ASAP1: variants seen among roughly 807,000 people sequenced by gnomAD.
The protein encoded by ASAP1 is arf-GAP with SH3 domain, ANK repeat and PH domain-containing protein 1.
Under a neutral mutation model 145.2 loss-of-function variants are expected in ASAP1, and 43 were observed. The observed-to-expected ratio is 0.30, with a 90% CI of 0.23 to 0.38. The LOEUF is 0.38. Ranked by LOEUF, ASAP1 falls within the 10% of genes least tolerant of loss-of-function variation. ASAP1 has a pLI of 1.00. For synonymous variants in ASAP1, 546 were observed against 515.5 expected (o/e 1.06, Z -0.80); for missense variants, 1,018 against 1,355.3 (o/e 0.75, Z 3.91).
intron 11 of ASAP1, 90 bp from the exon 12 acceptor site, chr8:130,160,054 C>A: frequency 8.9e-7 from 1 of 1,123,318 alleles, no homozygotes; most frequent in South Asian, 1.2e-5. Flanking sequence ...TGGCACTGGT[C>A]TGGGTCTAAG....
At position 130,295,510 on chromosome 8, in the gene ASAP1, C is replaced by T. The variant is rs181665056; in HGVS notation, c.187-58516G>A. Among the ~76,000 whole-genome samples the T allele has an allele frequency of 5.1e-4, 77 of 152,160 alleles. 2 individuals carry two copies. In the East Asian group the frequency reaches 0.012, roughly 24 times the overall value. ...TTTCCACAGCTGTAAAACAGGGATA[C>T]GGGATAATAATACCTAGTTATTGTG... On this transcript the variant is annotated intron_variant, in intron 3 of 29. Coordinates refer to ENST00000518721, the MANE Select transcript of ASAP1 (RefSeq NM_018482.4).
intron 1 of ASAP1, among the ~76,000 whole-genome samples, chr8:130,437,104 CAA>C (rs56207589): frequency 0.098 from 8,707 of 89,262 alleles, 352 homozygotes; most frequent in African/African-American, 0.17. Context: ...GATTTCATCT[CAA>C]AAAAAAAAAA....
intron 3 of ASAP1, among the ~76,000 whole-genome samples, chr8:130,252,887 TC>T (rs1403149822): frequency 6.6e-6 from 1 of 152,164 alleles, no homozygotes; most frequent in African/African-American, 2.4e-5. Flanking sequence ...GAAAGAAGTT[TC>T]CTGAGTCACA....
chr8:130,074,486 C>CACACACACAGAGAG (rs5895034), intron 27 of ASAP1, among the ~76,000 whole-genome samples: 1 of 140,484 alleles, frequency 7.1e-6, no homozygotes, highest in Non-Finnish European at 1.6e-5. Flanking sequence ...CACACACACA[C>CACACACACAGAGAG]AGAGAGAACG....
intron 4 of ASAP1, among the ~76,000 whole-genome samples, chr8:130,231,887 A>C (rs930111796): frequency 6.6e-6 from 1 of 152,208 alleles, no homozygotes; most frequent in African/African-American, 2.4e-5. Context: ...CATGCTTCCA[A>C]GGGAAAGCCA....
At chr8:130,192,939 T>C (rs1565073754) in intron 5 of ASAP1, among the ~76,000 whole-genome samples, 1 of 152,170 alleles carries the variant, frequency 6.6e-6, no homozygotes. Context: ...ACTGGCTAAA[T>C]AAATTACAGA....
In ASAP1 at chr8:130,072,830, C is replaced by CGCGCGCGCG. The variant is rs1448184178; in HGVS notation, c.2701+3517_2701+3518insCGCGCGCGC. Among the ~76,000 whole-genome samples the CGCGCGCGCG allele has an allele frequency of 9.4e-4, 30 of 31,924 alleles. 1 individual carries two copies. Among genetic ancestry groups the CGCGCGCGCG allele is most frequent in the African/African-American group, 2.9e-3 (14 of 4,908 alleles). 20.9% of individuals were successfully genotyped at this position (31,924 alleles called of 152,430 possible). A position where few individuals can be genotyped will look rare whatever the true frequency, so the allele number is the denominator to read the frequency against. ...GTGTGTGTGTGTGTGTGTGTGCGCG[C>CGCGCGCGCG]GGGGGGGGGCAGTTTTGGGGACTGA... On this transcript the variant is annotated intron_variant, in intron 27 of 29. Coordinates refer to ENST00000518721, the MANE Select transcript of ASAP1 (RefSeq NM_018482.4).
At chr8:130,055,573 G>C (rs1044989078) in intron 29 of ASAP1, among the ~76,000 whole-genome samples, 5 of 150,394 alleles carry the variant, frequency 3.3e-5, no homozygotes, top group East Asian at 2.0e-4. Flanking sequence ...ACTATCACTT[G>C]TTTTCTGGTT....
intron 26 of ASAP1, among the ~76,000 whole-genome samples, chr8:130,079,220 A>G (rs772704980): frequency 6.6e-6 from 1 of 152,134 alleles, no homozygotes; most frequent in Non-Finnish European, 1.5e-5. Flanking sequence ...TTGTTTTCTC[A>G]TCTTTCAGAA....
intron 27 of ASAP1, among the ~76,000 whole-genome samples, chr8:130,072,900 C>T (rs1172846521): frequency 6.8e-6 from 1 of 147,916 alleles, no homozygotes; most frequent in South Asian, 2.2e-4. Context: ...TAGACAGTGT[C>T]GGAACTGAAT....
rs540267683 is a variant in ASAP1, at chr8:130,094,212, TA to T, written c.2402-2070del. 2.0e-5 allele frequency among the ~76,000 whole-genome samples: 3 copies of T among 152,202 alleles called. No homozygotes were observed. The South Asian group carries it at 6.2e-4, about 32-fold the overall frequency. On this transcript the variant is annotated intron_variant, in intron 24 of 29. Transcript: ENST00000518721. ...TCAGCTTCTTCCCTAGGTTTATCGT[TA>T]AAAAAAATTTTTTTTGAGACAAGGT...
chr8:130,413,885 GATTC>G (rs58479009), intron 1 of ASAP1, among the ~76,000 whole-genome samples: 49,150 of 151,382 alleles, frequency 0.32, 7,963 homozygotes, highest in African/African-American at 0.33. Flanking sequence ...TATTTTGCCA[GATTC>G]ATTCATTCAT....
chr8:130,418,625 C>T (rs1442610096), intron 1 of ASAP1, among the ~76,000 whole-genome samples: 1 of 151,902 alleles, frequency 6.6e-6, no homozygotes, highest in Non-Finnish European at 1.5e-5. Flanking sequence ...AAGTGTGCAA[C>T]CATCACCTCA....
intron 3 of ASAP1, among the ~76,000 whole-genome samples, chr8:130,329,729 C>T (rs1226429602): frequency 6.6e-6 from 1 of 152,206 alleles, no homozygotes; most frequent in Non-Finnish European, 1.5e-5. Flanking sequence ...CAGAAAATCA[C>T]ACAGATGCAT....
chr8:130,204,769 G>A (rs1387232058), intron 5 of ASAP1, among the ~76,000 whole-genome samples: 2 of 152,196 alleles, frequency 1.3e-5, no homozygotes, highest in Non-Finnish European at 2.9e-5. Flanking sequence ...CAGTAGACAT[G>A]TCACACGAGA....
chr8:130,439,795 C>G (rs1197826034), intron 1 of ASAP1, among the ~76,000 whole-genome samples: 4 of 152,348 alleles, frequency 2.6e-5, no homozygotes, highest in African/African-American at 9.6e-5. Flanking sequence ...CATGTGCCGG[C>G]AAGCACTCTG....
chr8:130,405,580 C>G (rs1828991351), intron 1 of ASAP1, among the ~76,000 whole-genome samples: 1 of 152,212 alleles, frequency 6.6e-6, no homozygotes, highest in African/African-American at 2.4e-5. Context: ...TGTCAGCGAG[C>G]CTCTTTAGCC....
intron 3 of ASAP1, among the ~76,000 whole-genome samples, chr8:130,306,872 G>A (rs1018381289): frequency 6.6e-6 from 1 of 152,124 alleles, no homozygotes; most frequent in African/African-American, 2.4e-5. Flanking sequence ...TCAGGCCAGA[G>A]ACCTCAGAGC....
Position 130,180,677 on chromosome 8 carries a change from A to C in ASAP1, c.660+74T>G. ...TCAAACAGAGTCTGCCTTTAAGCAT[A>C]AAGACTGCTGACTAGCAGGAAAAGA... is the stretch of plus-strand genomic sequence containing the variant. On this transcript the variant is annotated intron_variant, in intron 8 of 29. Coordinates refer to ENST00000518721, the MANE Select transcript of ASAP1 (RefSeq NM_018482.4). 7.3e-6 allele frequency: 11 copies of C among 1,512,580 alleles called. No individual in the cohort carries two copies. The South Asian group carries it at 1.4e-4, about 19-fold the overall frequency. 93.7% of individuals were successfully genotyped at this position (1,512,580 alleles called of 1,614,324 possible). A position where few individuals can be genotyped will look rare whatever the true frequency, so the allele number is the denominator to read the frequency against.
Sources: allele counts gnomAD v4.1 joint callset (sites outside exome capture counted in the v4.1 genomes callset), GRCh38; gene constraint gnomAD v4.1.1; transcripts MANE v1.5; gene names NCBI Gene and HGNC (gene_info 2026-07-23, HGNC 2026-07-21).